Variants in DMD observed in about 807,000 individuals in gnomAD.
DMD encodes the protein dystrophin, also known as mutant dystrophin.
Under a neutral mutation model 330.1 loss-of-function variants are expected in DMD, and 63 were observed. The ratio of observed to expected loss-of-function variants is 0.19; its 90% confidence interval spans 0.16 to 0.24. The LOEUF is 0.24. DMD is among the 10% of genes least tolerant of loss of function. The pLI is 1.00. For synonymous variants in DMD, 1,223 were observed against 959.8 expected, an observed-to-expected ratio of 1.27 and a Z score of -5.07; for missense variants, 3,344 against 2,684.1, an observed-to-expected ratio of 1.25 and a Z score of -5.43.
At chrX:31,879,896 G>A (rs927098926) in intron 47 of DMD, among the ~76,000 whole-genome samples, 39 of 111,622 alleles carry the variant, frequency 3.5e-4, no homozygotes, top group Admixed American at 3.1e-3. Flanking sequence ...ACACCTGACC[G>A]GTAAAATACA....
intron 74 of DMD, among the ~76,000 whole-genome samples, chrX:31,157,812 T>C (rs1002362926): frequency 8.9e-4 from 96 of 108,253 alleles, no homozygotes; most frequent in African/African-American, 3.2e-3. Context: ...TTTTTTTTTT[T>C]TCTTTTTTTG....
At chrX:31,241,436 C>A (rs914627432) in intron 63 of DMD, among the ~76,000 whole-genome samples, 2 of 111,550 alleles carry the variant, frequency 1.8e-5, no homozygotes, top group African/African-American at 6.5e-5. Context: ...TTTATATGAG[C>A]CACCAAAAAT....
intron 64 of DMD, among the ~76,000 whole-genome samples, chrX:31,218,188 T>C (rs775597069): frequency 8.3e-5 from 9 of 109,024 alleles, no homozygotes; most frequent in Non-Finnish European, 1.7e-4. Context: ...ACAGTCATTA[T>C]AAGGTTTTTC....
chrX:31,582,106 TAATAA>T (rs1470639054), intron 55 of DMD, among the ~76,000 whole-genome samples: 3 of 111,495 alleles, frequency 2.7e-5, no homozygotes, highest in African/African-American at 9.8e-5. Flanking sequence ...AGTATAATAA[TAATAA>T]AATAAAATAA....
intron 1 of DMD, among the ~76,000 whole-genome samples, chrX:33,077,227 C>A (rs1393891396): frequency 9.0e-6 from 1 of 111,300 alleles, no homozygotes; most frequent in Non-Finnish European, 1.9e-5. Flanking sequence ...AAACGCAAGT[C>A]CCAGGCAAGA....
chrX:32,645,043 G>GAAAGAAGCC lies in DMD; in HGVS notation c.1061_1069dup (p.Trp354_Leu356dup). The GAAAGAAGCC allele has an allele frequency of 8.3e-7, 1 of 1,211,610 alleles. No individual in the cohort carries two copies. Among genetic ancestry groups the GAAAGAAGCC allele is most frequent in the Non-Finnish European group, 1.1e-6 (1 of 895,454 alleles). ...TTGTGCTTGCAATGTGTCCTCAGCAGAAAGAAGCCACGATAATACTTCTTC... is the reference window on the plus strand; with the variant it reads ...TTGTGCTTGCAATGTGTCCTCAGCAGAAAGAAGCCAAAGAAGCCACGATAATACTTCTTC... On this transcript the variant is annotated inframe_insertion, in exon 10 of 79. Coordinates refer to ENST00000357033, the MANE Select transcript of DMD (RefSeq NM_004006.3).
intron 1 of DMD, among the ~76,000 whole-genome samples, chrX:33,243,742 A>C (rs2052624152): frequency 8.9e-6 from 1 of 112,013 alleles, no homozygotes; most frequent in African/African-American, 3.2e-5. Flanking sequence ...AACAACATGG[A>C]TGGAACCGGA....
intron 29 of DMD, among the ~76,000 whole-genome samples, chrX:32,414,380 T>G (rs1389241092): frequency 8.9e-6 from 1 of 112,179 alleles, no homozygotes; most frequent in Non-Finnish European, 1.9e-5. Context: ...AACATGATGT[T>G]TTAATATATG....
chrX:33,084,735 C>T (rs933038936), intron 1 of DMD, among the ~76,000 whole-genome samples: 1 of 111,737 alleles, frequency 8.9e-6, no homozygotes, highest in African/African-American at 3.3e-5. Flanking sequence ...ATTTCTAATA[C>T]TGTGGCTGAT....
chrX:33,081,695 C>A (rs2094932802), intron 1 of DMD, among the ~76,000 whole-genome samples: 1 of 111,912 alleles, frequency 8.9e-6, no homozygotes, highest in Admixed American at 9.5e-5. Flanking sequence ...AGGAATGTTT[C>A]CTTATCTTCC....
At chrX:31,227,102 C>T (rs958213498) in intron 63 of DMD, among the ~76,000 whole-genome samples, 1 of 111,156 alleles carries the variant, frequency 9.0e-6, no homozygotes, top group African/African-American at 3.3e-5. Context: ...TTCCTATCAT[C>T]TTTCTTCTTT....
intron 1 of DMD, among the ~76,000 whole-genome samples, chrX:33,083,022 A>G (rs975937457): frequency 4.5e-5 from 5 of 111,971 alleles, no homozygotes; most frequent in African/African-American, 1.6e-4. Flanking sequence ...CAAATAGTTT[A>G]CTATTTAACA....
intron 9 of DMD, among the ~76,000 whole-genome samples, chrX:32,670,611 A>C (rs1164084398): frequency 8.9e-6 from 1 of 111,953 alleles, no homozygotes; most frequent in Non-Finnish European, 1.9e-5. Context: ...AATTATCATA[A>C]AACAGTCAAC....
intron 1 of DMD, among the ~76,000 whole-genome samples, chrX:33,312,808 G>A (rs2053870163): frequency 9.0e-6 from 1 of 111,201 alleles, no homozygotes; most frequent in Non-Finnish European, 1.9e-5. Flanking sequence ...ACAGCCAACA[G>A]CACTGTAACT....
chrX:32,905,583 T>G (rs1176908650), intron 2 of DMD, among the ~76,000 whole-genome samples: 1 of 111,462 alleles, frequency 9.0e-6, no homozygotes, highest in Non-Finnish European at 1.9e-5. Flanking sequence ...CCAACATAAT[T>G]TGAAAGTATA....
chrX:31,885,173 A>C (rs2094132563), intron 47 of DMD, among the ~76,000 whole-genome samples: 1 of 111,404 alleles, frequency 9.0e-6, no homozygotes, highest in African/African-American at 3.3e-5. Context: ...GAGGATATTA[A>C]GGATCAACAA....
At chrX:32,502,453 C>T (rs1237588409) in intron 18 of DMD, among the ~76,000 whole-genome samples, 2 of 111,573 alleles carry the variant, frequency 1.8e-5, no homozygotes, top group African/African-American at 6.5e-5. Context: ...TTAAGAGTTA[C>T]ATTTTGAACC....
intron 44 of DMD, among the ~76,000 whole-genome samples, chrX:32,029,527 C>T (rs1422067666): frequency 9.0e-6 from 1 of 111,153 alleles, no homozygotes; most frequent in Non-Finnish European, 1.9e-5. Flanking sequence ...GTTCTTAAAA[C>T]GCGGTCCTCC....
intron 2 of DMD, among the ~76,000 whole-genome samples, chrX:32,900,594 C>A (rs2086149186): frequency 1.8e-5 from 2 of 111,361 alleles, no homozygotes; most frequent in South Asian, 7.5e-4. Flanking sequence ...ATCCTACCAC[C>A]TCAGCCTCCC....
Sources: gnomAD v4.1 joint callset for allele counts (sites outside exome capture counted in the v4.1 genomes callset) on GRCh38, gnomAD v4.1.1 for gene constraint, MANE v1.5 for transcripts, NCBI Gene and HGNC (gene_info 2026-07-23, HGNC 2026-07-21) for gene names.